The following LCORL variants were observed in gnomAD, a reference collection of about 807,000 sequenced individuals.
LCORL encodes the protein ligand-dependent nuclear receptor corepressor-like protein.
LCORL carries 41 observed loss-of-function variants against 141.8 expected under a neutral mutation model. That is an observed-to-expected ratio of 0.29 (90% CI 0.23 to 0.38). LCORL has a LOEUF of 0.38. Among genes scored for constraint, LCORL ranks in the 10% least tolerant of loss-of-function variants. LCORL has a pLI of 1.00. For synonymous variants in LCORL, 618 were observed against 694.1 expected (o/e 0.89, Z 1.72); for missense variants, 1,759 against 2,035.0 (o/e 0.86, Z 2.61).
At chr4:17,859,760 T>C (rs1724783964) in intron 7 of LCORL, among the ~76,000 whole-genome samples, 1 of 152,106 alleles carries the variant, frequency 6.6e-6, no homozygotes, top group African/African-American at 2.4e-5. Context: ...TTCAGTAAAG[T>C]TTCAGGATAC....
chr4:18,004,826 C>G (rs182294693), intron 1 of LCORL, among the ~76,000 whole-genome samples: 1 of 152,068 alleles, frequency 6.6e-6, no homozygotes, highest in Admixed American at 6.6e-5. Flanking sequence ...ATGGGGGTAA[C>G]AGACATTGGG....
chr4:17,845,667 G>A, exon 8 of LCORL: 2 of 1,301,190 alleles, frequency 1.5e-6, no homozygotes, highest in South Asian at 2.9e-5. Flanking sequence ...AATGCTTATT[G>A]TTCAGAAGGA....
chr4:18,017,297 T>G (rs1724782978), intron 1 of LCORL, among the ~76,000 whole-genome samples: 1 of 152,156 alleles, frequency 6.6e-6, no homozygotes, highest in Non-Finnish European at 1.5e-5. Flanking sequence ...AATCATCAAC[T>G]GATGCTAAAA....
chr4:17,908,322 G>A (rs748136373), intron 5 of LCORL, among the ~76,000 whole-genome samples: 8 of 152,104 alleles, frequency 5.3e-5, no homozygotes, highest in Admixed American at 2.6e-4. Flanking sequence ...GTGAGCCAGC[G>A]CGCCTGGCCT....
chr4:18,014,678 A>T (rs1321754970), intron 1 of LCORL, among the ~76,000 whole-genome samples: 1 of 152,238 alleles, frequency 6.6e-6, no homozygotes, highest in Non-Finnish European at 1.5e-5. Flanking sequence ...GTTTTCTATC[A>T]AACACAAAAA....
intron 1 of LCORL, among the ~76,000 whole-genome samples, chr4:17,973,589 A>G (rs1482038786): frequency 6.6e-6 from 1 of 151,920 alleles, no homozygotes; most frequent in Non-Finnish European, 1.5e-5. Context: ...CCAAAAAAAA[A>G]TATGATCCTG....
chr4:17,857,484 T>C (rs1023338215), intron 7 of LCORL, among the ~76,000 whole-genome samples: 2 of 152,152 alleles, frequency 1.3e-5, no homozygotes. Context: ...GGGTACTGGA[T>C]TGCCTCTATA....
chr4:18,007,421 T>A (rs903636242), intron 1 of LCORL, among the ~76,000 whole-genome samples: 1 of 152,234 alleles, frequency 6.6e-6, no homozygotes, highest in South Asian at 2.1e-4. Flanking sequence ...AATCATCTTA[T>A]GATTGTTCAT....
intron 4 of LCORL, among the ~76,000 whole-genome samples, chr4:17,919,673 T>C (rs1025887792): frequency 2.6e-5 from 4 of 152,224 alleles, no homozygotes; most frequent in Non-Finnish European, 4.4e-5. Flanking sequence ...TCCATGTTTC[T>C]TGGATCATAA....
chr4:17,905,211 A>C (rs1731426060), intron 5 of LCORL, among the ~76,000 whole-genome samples: 1 of 152,026 alleles, frequency 6.6e-6, no homozygotes, highest in Non-Finnish European at 1.5e-5. Context: ...CTTTTATTTT[A>C]AATCTTTAGG....
At chr4:17,883,695 CACAA>C (rs750657968) in intron 6 of LCORL, 63 of 1,501,414 alleles carry the variant, frequency 4.2e-5, no homozygotes, top group South Asian at 1.3e-4. Context: ...CACACACACT[CACAA>C]ACATTTTCCT....
chr4:17,889,842 C>A (rs532169445), intron 5 of LCORL, among the ~76,000 whole-genome samples: 1 of 151,958 alleles, frequency 6.6e-6, no homozygotes, highest in African/African-American at 2.4e-5. Flanking sequence ...TTTGTGTGTA[C>A]ATCATTCCAA....
intron 1 of LCORL, among the ~76,000 whole-genome samples, chr4:17,999,289 T>C (rs1353991509): frequency 6.6e-6 from 1 of 151,562 alleles, no homozygotes; most frequent in Non-Finnish European, 1.5e-5. Flanking sequence ...CCGTCTCTAC[T>C]AAAAATACAA....
At chr4:17,881,655 GTA>G in intron 6 of LCORL, 1 of 961,604 alleles carries the variant, frequency 1.0e-6, no homozygotes, top group Non-Finnish European at 1.2e-6. Flanking sequence ...AAAGTGTTCT[GTA>G]AGTTTCCCTT....
At chr4:17,925,211 G>T (rs1378888692) in intron 4 of LCORL, among the ~76,000 whole-genome samples, 1 of 152,168 alleles carries the variant, frequency 6.6e-6, no homozygotes, top group African/African-American at 2.4e-5. Flanking sequence ...GTTGGCTGGG[G>T]TGACTGACCC....
exon 8 of LCORL, chr4:17,842,321 G>A: frequency 6.2e-7 from 1 of 1,611,986 alleles, no homozygotes; most frequent in Non-Finnish European, 8.5e-7. Flanking sequence ...ACAGAGAAAA[G>A]TGACAGTTTC....
chr4:18,005,706 T>C (rs1577712071), intron 1 of LCORL, among the ~76,000 whole-genome samples: 2 of 152,236 alleles, frequency 1.3e-5, no homozygotes, highest in Admixed American at 6.5e-5. Context: ...GCTTGCATCC[T>C]CTGAGGCCAC....
rs900564419 is a variant in LCORL, at chr4:17,850,604, C to T, written c.5603-4703G>A. Among the ~76,000 whole-genome samples the T allele has an allele frequency of 1.1e-4, 17 of 152,140 alleles. No homozygotes were observed. The East Asian group carries it at 1.2e-3, about 10-fold the overall frequency. On this transcript the variant is annotated intron_variant, in intron 7 of 7. Transcript: ENST00000635767. Reference sequence around the variant, plus strand: ...TACCATCTCACACCAGTTAGAATGGCGATCATTAAAAAGTCAGGAAACAAC... The same window carrying T: ...TACCATCTCACACCAGTTAGAATGGTGATCATTAAAAAGTCAGGAAACAAC...
chr4:18,006,477 C>A (rs1480843590), intron 1 of LCORL, among the ~76,000 whole-genome samples: 1 of 152,090 alleles, frequency 6.6e-6, no homozygotes, highest in Admixed American at 6.6e-5. Flanking sequence ...TCTACTGGTA[C>A]CAATTTACTG....
Sources: allele counts gnomAD v4.1 joint callset (sites outside exome capture counted in the v4.1 genomes callset), GRCh38; gene constraint gnomAD v4.1.1; transcripts MANE v1.5; gene names NCBI Gene and HGNC (gene_info 2026-07-23, HGNC 2026-07-21).